ADAM10: variants seen among roughly 807,000 people sequenced by gnomAD.
ADAM10 encodes disintegrin and metalloproteinase domain-containing protein 10.
In ADAM10, 17 loss-of-function variants were observed where a neutral mutation model predicts 90.1. The observed-to-expected ratio is 0.19, with a 90% confidence interval of 0.13 to 0.28. ADAM10 has a LOEUF of 0.28. ADAM10 is among the 10% of genes least tolerant of loss of function. ADAM10 has a pLI of 1.00. For synonymous variants in ADAM10, 310 were observed against 298.6 expected (o/e 1.04, Z -0.40); for missense variants, 610 against 914.3 (o/e 0.67, Z 4.29).
intron 3 of ADAM10, among the ~76,000 whole-genome samples, chr15:58,680,260 C>A (rs1430527058): frequency 6.6e-6 from 1 of 152,136 alleles, no homozygotes; most frequent in African/African-American, 2.4e-5. Flanking sequence ...GTAGCTGGGA[C>A]TACAAGCGTG....
chr15:58,619,406 T>C (rs1368975871), intron 11 of ADAM10, among the ~76,000 whole-genome samples: 2 of 152,164 alleles, frequency 1.3e-5, no homozygotes, highest in East Asian at 1.9e-4. Flanking sequence ...TAGTGTTTGA[T>C]AGCACAGTAA....
rs1894814225 is a variant in ADAM10, at chr15:58,591,082, CCTT to C, written c.*6462_*6464del. 3 of 152,264 alleles carry C rather than the reference CCTT, an allele frequency of 2.0e-5. No homozygotes were observed. The East Asian group carries it at 5.8e-4, about 29-fold the overall frequency. The allele number at this position is 152,264 out of a possible 1,614,324, so 9.4% of individuals were successfully genotyped here. A position where few individuals can be genotyped will look rare whatever the true frequency, so the allele number is the denominator to read the frequency against. On this transcript the variant is annotated 3_prime_UTR_variant, in exon 16 of 16. Transcript: ENST00000260408. ...TTAATGTGGATAAGCTGACCATACT[CCTT>C]GACATGTTTAACAGAGAACAAATAT...
intron 8 of ADAM10, among the ~76,000 whole-genome samples, chr15:58,639,275 A>G (rs1000032820): frequency 2.6e-5 from 4 of 152,204 alleles, no homozygotes; most frequent in African/African-American, 9.7e-5. Flanking sequence ...AGTGCCTATG[A>G]ACTTATATTT....
chr15:58,722,937 G>A (rs1045574074), intron 1 of ADAM10, among the ~76,000 whole-genome samples: 1 of 151,830 alleles, frequency 6.6e-6, no homozygotes, highest in East Asian at 1.9e-4. Flanking sequence ...TCACTGTGTT[G>A]ACCAGGCTGG....
chr15:58,666,185 T>C (rs1897079532), intron 4 of ADAM10, among the ~76,000 whole-genome samples: 1 of 150,970 alleles, frequency 6.6e-6, no homozygotes, highest in Non-Finnish European at 1.5e-5. Flanking sequence ...CTCTTCCTTA[T>C]TCAGTTTAAA....
At position 58,648,665 on chromosome 15, in the gene ADAM10, A is replaced by AT. The variant is rs533478241; in HGVS notation, c.586-2462dup. ...CTCTCCCATATCTTCACTGGGTTTTATTTTTTGTACAACTGTTCTCTTATT... is the reference window on the plus strand; with the variant it reads ...CTCTCCCATATCTTCACTGGGTTTTATTTTTTTGTACAACTGTTCTCTTATT... On this transcript the variant is annotated intron_variant, in intron 5 of 15. Coordinates refer to ENST00000260408, the MANE Select transcript of ADAM10 (RefSeq NM_001110.4). Among the ~76,000 whole-genome samples the AT allele has an allele frequency of 1.6e-4, 24 of 151,882 alleles. No individual in the cohort carries two copies. In the South Asian group the frequency reaches 4.6e-3, roughly 29 times the overall value.
chr15:58,691,349 G>T, intron 2 of ADAM10: 1 of 1,024,204 alleles, frequency 9.8e-7, no homozygotes, highest in Non-Finnish European at 1.5e-6. Context: ...ACTCATCAAT[G>T]GGCTCACTCA....
At chr15:58,734,338 T>C (rs1285117171) in intron 1 of ADAM10, among the ~76,000 whole-genome samples, 2 of 152,158 alleles carry the variant, frequency 1.3e-5, no homozygotes, top group African/African-American at 4.8e-5. Context: ...AAACTGAGGT[T>C]TGAGTGATAT....
chr15:58,691,619 G>A (rs1353488447), intron 2 of ADAM10: 1 of 423,316 alleles, frequency 2.4e-6, no homozygotes, highest in African/African-American at 2.2e-5. Flanking sequence ...CTAATTTCTT[G>A]TTATTCTCCT....
chr15:58,644,112 G>T (rs1263146244), intron 6 of ADAM10, 134 bp from the exon 7 acceptor site: 12 of 679,902 alleles, frequency 1.8e-5, no homozygotes, highest in Non-Finnish European at 2.8e-5. Context: ...TTATATACTG[G>T]ACATAAATAT....
intron 14 of ADAM10, among the ~76,000 whole-genome samples, chr15:58,604,169 C>T (rs1261606407): frequency 6.6e-6 from 1 of 152,088 alleles, no homozygotes. Context: ...CAAGACCAGC[C>T]TGGCCAACAT....
intron 15 of ADAM10, among the ~76,000 whole-genome samples, chr15:58,599,027 C>G (rs963776224): frequency 6.6e-6 from 1 of 151,976 alleles, no homozygotes; most frequent in African/African-American, 2.4e-5. Context: ...AGCACAAACA[C>G]TAAAAACGAT....
chr15:58,646,312 C>G, intron 5 of ADAM10, 108 bp from the exon 6 acceptor site: 1 of 1,127,466 alleles, frequency 8.9e-7, no homozygotes, highest in Admixed American at 2.1e-5. Context: ...TTATATAACA[C>G]CATAGGTATT....
chr15:58,734,871 C>A (rs138978561), intron 1 of ADAM10, among the ~76,000 whole-genome samples: 26 of 152,144 alleles, frequency 1.7e-4, no homozygotes, highest in African/African-American at 6.3e-4. Context: ...TATACATATA[C>A]CCTTGATTTC....
intron 11 of ADAM10, among the ~76,000 whole-genome samples, chr15:58,618,025 C>T (rs1895669689): frequency 6.6e-6 from 1 of 151,878 alleles, no homozygotes; most frequent in East Asian, 1.9e-4. Flanking sequence ...ACATTCTTCA[C>T]AGATAAAGAG....
intron 5 of ADAM10, among the ~76,000 whole-genome samples, chr15:58,650,029 A>T (rs926627470): frequency 3.9e-5 from 6 of 152,106 alleles, no homozygotes; most frequent in African/African-American, 1.2e-4. Flanking sequence ...AATCCATCAA[A>T]TTCCTAATTT....
rs386383146 is a variant in ADAM10 at position 58,701,022 on chromosome 15, CA to C, written c.206+16554del. 8.3e-4 allele frequency among the ~76,000 whole-genome samples: 59 copies of C among 70,920 alleles called. 1 individual carries two copies. Among genetic ancestry groups the C allele is most frequent in the Middle Eastern group, 0.022 (2 of 92 alleles). The allele number at this position is 70,920 out of a possible 152,430, so 46.5% of individuals were successfully genotyped here. A position where few individuals can be genotyped will look rare whatever the true frequency, so the allele number is the denominator to read the frequency against. ...TCCAACTTAAAAAAAAACAAAAAAA[CA>C]AAAAAAAAAAAACAGGGCAGAATTC... On this transcript the variant is annotated intron_variant, in intron 2 of 15. Transcript: ENST00000260408.
At chr15:58,715,351 G>A (rs1358811478) in intron 2 of ADAM10, among the ~76,000 whole-genome samples, 1 of 150,708 alleles carries the variant, frequency 6.6e-6, no homozygotes, top group Non-Finnish European at 1.5e-5. Flanking sequence ...GAACCCAGAG[G>A]TTGCAATAAG....
chr15:58,674,748 T>G (rs1897273822), intron 4 of ADAM10, among the ~76,000 whole-genome samples: 2 of 152,198 alleles, frequency 1.3e-5, no homozygotes, highest in Admixed American at 1.3e-4. Context: ...GGCCTCCATC[T>G]TGAAATGGTA....
Sources: allele counts gnomAD v4.1 joint callset (sites outside exome capture counted in the v4.1 genomes callset), GRCh38; gene constraint gnomAD v4.1.1; transcripts MANE v1.5; gene names NCBI Gene and HGNC (gene_info 2026-07-23, HGNC 2026-07-21).